Variants in ETAA1 observed in about 807,000 individuals in gnomAD.
ETAA1 encodes the protein ETAA1 activator of ATR kinase.
A neutral mutation model predicts 76.8 loss-of-function variants in ETAA1; 49 were observed. The ratio of observed to expected loss-of-function variants is 0.64; its 90% CI spans 0.51 to 0.81. The LOEUF (loss-of-function observed/expected upper bound fraction) is 0.81, where lower values mean the gene tolerates loss of function less well. Ranked by LOEUF, ETAA1 falls within the 30% of genes least tolerant of loss-of-function variation. The pLI, the probability that ETAA1 is intolerant of heterozygous loss-of-function variation, is 0.00. For synonymous variants in ETAA1, 373 were observed against 372.2 expected (o/e 1.00, Z -0.03); for missense variants, 1,099 against 1,074.0 (o/e 1.02, Z -0.32).
chr2:67,403,719 A>C lies in ETAA1; in HGVS notation c.1037A>C (p.Gln346Pro). The C allele has an allele frequency of 6.2e-7, 1 of 1,613,478 alleles. No individual in the cohort carries two copies. Among genetic ancestry groups the C allele is most frequent in the Non-Finnish European group, 8.5e-7 (1 of 1,179,500 alleles). The change falls in exon 5 of 6, where the codon CAA (glutamine) becomes CCA (proline). Residue 346 changes from glutamine (Q) to proline (P), a missense_variant. Physicochemically the swap from Gln to Pro is moderately conservative, Grantham distance 76. Transcript: ENST00000272342. ...AAAACCCCACGATCACTTTCTTCTC[A>C]AGTAGATACACCCATAATGACAAAA... ...SNKTPRSLSS[Q>P]VDTPIMTKSC...
chr2:67,399,711 T>C (rs921552006), intron 3 of ETAA1, 85 bp downstream of exon 3: 1 of 870,086 alleles, frequency 1.1e-6, no homozygotes, highest in African/African-American at 1.7e-5. Flanking sequence ...ATGAAAAGTA[T>C]TGTCTATTAT....
At position 67,404,473 on chromosome 2, in the gene ETAA1, T is replaced by C. The variant is rs775714221; in HGVS notation, c.1791T>C (p.Asp597=). 62 of 1,613,174 alleles carry C rather than the reference T, an allele frequency of 3.8e-5. No homozygotes were observed. The highest frequency in any genetic ancestry group is 1.6e-4 in the Middle Eastern group (1 of 6,078). The change falls in exon 5 of 6, where the codon GAT becomes GAC. Residue 597 remains aspartate (D), a synonymous_variant. Coordinates refer to ENST00000272342, the MANE Select transcript of ETAA1 (RefSeq NM_019002.4). ...NEIIKACHQL[D]NTWEADDVDD... ...TTATTAAAGCATGTCATCAATTAGA[T>C]AATACCTGGGAAGCAGATGATGTAG...
chr2:67,409,211 TCTTAAA>T lies in ETAA1; in HGVS notation c.2654-693_2654-688del, dbSNP rs1335493479. Among the ~76,000 whole-genome samples the T allele has an allele frequency of 3.9e-5, 6 of 152,142 alleles. No homozygotes were observed. In the East Asian group the frequency reaches 1.2e-3, roughly 29 times the overall value. On this transcript the variant is annotated intron_variant, in intron 5 of 5. Coordinates refer to ENST00000272342, the MANE Select transcript of ETAA1 (RefSeq NM_019002.4). ...ACTTAAATATGTATTAGGGTGATAG[TCTTAAA>T]CTTAAAATATCATTTAAATGAGAAA...
Position 67,397,690 on chromosome 2 carries a change from G to T in ETAA1, c.223+19G>T. ...CCCGAGGGTGAGACGTCGGCAGCGC[G>T]GCCTGCCTTGGCTTCGGCGCCGCAT... On this transcript the variant is annotated intron_variant, in intron 1 of 5. Coordinates refer to ENST00000272342, the MANE Select transcript of ETAA1 (RefSeq NM_019002.4). 6.5e-7 allele frequency: 1 copy of T among 1,542,980 alleles called. No individual in the cohort carries two copies. The highest frequency in any genetic ancestry group is 8.7e-7 in the Non-Finnish European group (1 of 1,145,846).
rs1006722141 is a variant in ETAA1 at position 67,410,188 on chromosome 2, A to G, written c.*150A>G. The G allele has an allele frequency of 1.1e-4, 81 of 719,042 alleles. No individual in the cohort carries two copies. Among genetic ancestry groups the G allele is most frequent in the South Asian group, 9.8e-5 (5 of 50,854 alleles). The allele number at this position is 719,042 out of a possible 1,614,324, so 44.5% of individuals were successfully genotyped here. A position where few individuals can be genotyped will look rare whatever the true frequency, so the allele number is the denominator to read the frequency against. On this transcript the variant is annotated 3_prime_UTR_variant, in exon 6 of 6. Transcript: ENST00000272342. Reference sequence around the variant, plus strand: ...TTTATTTAATAAATCAATGTTTGCAATGGTAAATGAAACATTTCCTTGGAC... The same window carrying G: ...TTTATTTAATAAATCAATGTTTGCAGTGGTAAATGAAACATTTCCTTGGAC...
intron 5 of ETAA1, among the ~76,000 whole-genome samples, chr2:67,408,972 T>C (rs1350677776): frequency 1.3e-5 from 2 of 152,026 alleles, no homozygotes; most frequent in African/African-American, 4.8e-5. Flanking sequence ...TACAGTCTGT[T>C]AGGTAAATAG....
rs770005627 is a variant in ETAA1 at position 67,397,564 on chromosome 2, C to T, written c.116C>T (p.Ser39Leu). The change falls in exon 1 of 6, where the codon TCG (serine) becomes TTG (leucine). Residue 39 changes from serine (S) to leucine (L), a missense_variant. Physicochemically the swap from Ser to Leu is moderately radical, Grantham distance 145 (BLOSUM62 -2). Transcript: ENST00000272342. ...VVEPGRRRLR[S>L]ARGSWPCGAR... ...GAGCCAGGGAGGAGGCGGCTGAGAT[C>T]GGCCCGCGGTTCGTGGCCCTGCGGG... 4 of 1,568,268 alleles carry T rather than the reference C, an allele frequency of 2.6e-6. No homozygotes were observed. The highest frequency in any genetic ancestry group is 2.7e-5 in the African/African-American group (2 of 73,744).
intron 1 of ETAA1, among the ~76,000 whole-genome samples, chr2:67,398,168 C>A (rs993074599): frequency 6.6e-6 from 1 of 152,092 alleles, no homozygotes; most frequent in Non-Finnish European, 1.5e-5. Context: ...GTGTAACATC[C>A]CTCCAAATAA....
rs143634492 is a variant in ETAA1, at chr2:67,397,478, C to T, written c.30C>T (p.Ser10=). 1,752 of 1,602,400 alleles carry T rather than the reference C, an allele frequency of 1.1e-3. 13 individuals are homozygous for T. In the African/African-American group the frequency reaches 0.021, roughly 19 times the overall value. Residue 10 remains serine, a synonymous_variant, in exon 1 of 6, where the codon AGC becomes AGT. Coordinates refer to ENST00000272342, the MANE Select transcript of ETAA1 (RefSeq NM_019002.4). MSRRRKHDD[S]PSPKKTPHKT... ...GTCGGCGAAGGAAACATGATGACAGCCCTAGCCCGAAGAAAACGCCGCACA... is the reference window on the plus strand; with the variant it reads ...GTCGGCGAAGGAAACATGATGACAGTCCTAGCCCGAAGAAAACGCCGCACA...
chr2:67,397,493 A>G lies in ETAA1; in HGVS notation c.45A>G (p.Lys15=). The change falls in exon 1 of 6, where the codon AAA becomes AAG. Residue 15 remains lysine (K), a synonymous_variant. Transcript: ENST00000272342. ...RKHDDSPSPK[K]TPHKTVAAEE... ...ATGATGACAGCCCTAGCCCGAAGAA[A>G]ACGCCGCACAAAACAGTGGCGGCGG... 3.1e-6 allele frequency: 5 copies of G among 1,603,140 alleles called. No homozygotes were observed. The highest frequency in any genetic ancestry group is 4.3e-6 in the Non-Finnish European group (5 of 1,174,858).
Position 67,403,785 on chromosome 2 carries a change from A to G in ETAA1, c.1103A>G (p.Asn368Ser). The change falls in exon 5 of 6, where the codon AAT becomes AGT. Residue 368 changes from asparagine (N) to serine (S), a missense_variant. This residue lies in a region of ETAA1 where 761 missense variants were observed against 731.9 expected (regional missense o/e 1.04). Transcript: ENST00000272342. ...TSCTKEPETS[N>S]KYIDAFTTSD... Reference sequence around the variant, plus strand: ...TGTACTAAGGAGCCAGAAACTTCTAATAAGTACATTGATGCATTTACTACA... The same window carrying G: ...TGTACTAAGGAGCCAGAAACTTCTAGTAAGTACATTGATGCATTTACTACA... 1.9e-6 allele frequency: 3 copies of G among 1,613,372 alleles called. No individual in the cohort carries two copies. Among genetic ancestry groups the G allele is most frequent in the African/African-American group, 1.3e-5 (1 of 75,034 alleles).
chr2:67,411,514 A>G lies in ETAA1; in HGVS notation c.*1476A>G, dbSNP rs867047050. ...CTAGAGTTGGGCACATCATCTGGCAATACGGCACACTGTAGAGTATCAGTT... is the reference window on the plus strand; with the variant it reads ...CTAGAGTTGGGCACATCATCTGGCAGTACGGCACACTGTAGAGTATCAGTT... On this transcript the variant is annotated 3_prime_UTR_variant, in exon 6 of 6. Transcript: ENST00000272342. 3 of 152,118 alleles carry G rather than the reference A, an allele frequency of 2.0e-5. No individual in the cohort carries two copies. Among genetic ancestry groups the G allele is most frequent in the African/African-American group, 7.2e-5 (3 of 41,452 alleles). The allele number at this position is 152,118 out of a possible 1,614,324, so 9.4% of individuals were successfully genotyped here.
intron 5 of ETAA1, among the ~76,000 whole-genome samples, chr2:67,408,231 A>G (rs1451711413): frequency 6.6e-6 from 1 of 152,156 alleles, no homozygotes; most frequent in Non-Finnish European, 1.5e-5. Context: ...TATTTCAGGC[A>G]GGAGTTGGCA....
intron 2 of ETAA1, 59 bp downstream of exon 2, chr2:67,399,356 A>G: frequency 4.7e-6 from 7 of 1,474,502 alleles, no homozygotes; most frequent in Non-Finnish European, 6.5e-6. Flanking sequence ...TTCAGATTTA[A>G]CTAGAATTCT....
At chr2:67,409,158 T>G (rs1280927580) in intron 5 of ETAA1, among the ~76,000 whole-genome samples, 1 of 152,052 alleles carries the variant, frequency 6.6e-6, no homozygotes, top group Admixed American at 6.6e-5. Flanking sequence ...ATTGTGTATC[T>G]TTTTCTAAAT....
In ETAA1 at chr2:67,399,314, A is replaced by AT. The variant is rs753200301; in HGVS notation, c.352+23dup. 1.8e-5 allele frequency: 28 copies of AT among 1,589,064 alleles called. No individual in the cohort carries two copies. In the African/African-American group the frequency reaches 3.4e-4, roughly 19 times the overall value. On this transcript the variant is annotated intron_variant, in intron 2 of 5. Transcript: ENST00000272342. ...AGCAGTTAGGTAATTAATTATTAAC[A>AT]TTTTTTATGTGAGTAAATATTTGAT...
rs2103751354 is a variant in ETAA1 at position 67,404,211 on chromosome 2, T to C, written c.1529T>C (p.Ile510Thr). 2 of 1,611,476 alleles carry C rather than the reference T, an allele frequency of 1.2e-6. No individual in the cohort carries two copies. The highest frequency in any genetic ancestry group is 1.3e-5 in the African/African-American group (1 of 74,890). ...TSNLTKIKED[I>T]LTNSTEASER... ...AATCTGACAAAAATAAAGGAAGATA[T>C]TCTTACTAACTCTACTGAAGCTTCT... The change falls in exon 5 of 6, where the codon ATT (isoleucine) becomes ACT (threonine). Residue 510 changes from isoleucine to threonine, a missense_variant. Ile to Thr is a moderately conservative substitution (Grantham distance 89). Transcript: ENST00000272342.
Position 67,399,162 on chromosome 2 carries a change from T to C in ETAA1, c.224-7T>C. On this transcript the variant is annotated splice_polypyrimidine_tract_variant and splice_region_variant and intron_variant, in intron 1 of 5. Transcript: ENST00000272342. ...AACAATTGTTATTTTACTCATATTT[T>C]ATATAGAAAGGTATGAAACACCAAA... 1.2e-6 allele frequency: 2 copies of C among 1,603,872 alleles called. No homozygotes were observed. Among genetic ancestry groups the C allele is most frequent in the Non-Finnish European group, 1.7e-6 (2 of 1,176,786 alleles).
At position 67,399,179 on chromosome 2, in the gene ETAA1, A is replaced by C. The variant is rs745892449; in HGVS notation, c.234A>C (p.Glu78Asp). The C allele has an allele frequency of 1.9e-6, 3 of 1,611,214 alleles. No homozygotes were observed. The highest frequency in any genetic ancestry group is 2.5e-6 in the Non-Finnish European group (3 of 1,178,994). ...TCATATTTTATATAGAAAGGTATGA[A>C]ACACCAAAGAGAGCGCTGAAAATGG... Reference protein sequence around the residue: ...CSKSNPEERYETPKRALKMDS... With the variant: ...CSKSNPEERYDTPKRALKMDS... The change falls in exon 2 of 6, where the codon GAA (glutamate) becomes GAC (aspartate). Residue 78 changes from glutamate to aspartate, a missense_variant. This residue lies in a region of ETAA1 where 761 missense variants were observed against 731.9 expected (regional missense o/e 1.04). Coordinates refer to ENST00000272342, the MANE Select transcript of ETAA1 (RefSeq NM_019002.4).
Sources: gnomAD v4.1 joint callset for allele counts (sites outside exome capture counted in the v4.1 genomes callset) on GRCh38, gnomAD v4.1.1 for gene constraint, gnomAD v4.1.1 regional missense constraint, MANE v1.5 for transcripts, NCBI Gene and HGNC (gene_info 2026-07-23, HGNC 2026-07-21) for gene names.